DDAH1: variants seen among roughly 807,000 people sequenced by gnomAD.
DDAH1 encodes the protein dimethylarginine dimethylaminohydrolase 1.
In DDAH1, 19 loss-of-function variants were observed where a neutral mutation model predicts 28.8. The observed-to-expected ratio is 0.66, with a 90% CI of 0.46 to 0.97. DDAH1 has a LOEUF of 0.97. Ranked by LOEUF, DDAH1 falls within the 50% of genes least tolerant of loss-of-function variation. The pLI is 0.00. For missense variants in DDAH1, 326 were observed against 375.9 expected, an observed-to-expected ratio of 0.87 and a Z score of 1.10; for synonymous variants, 153 against 154.4, an observed-to-expected ratio of 0.99 and a Z score of 0.07.
chr1:85,546,966 G>T (rs545762609), intron 1 of DDAH1, among the ~76,000 whole-genome samples: 13 of 152,242 alleles, frequency 8.5e-5, no homozygotes, highest in African/African-American at 2.9e-4. Flanking sequence ...GGAGGGAGCT[G>T]CACTATAAAT....
chr1:85,390,642 G>A (rs950807098), intron 1 of DDAH1, among the ~76,000 whole-genome samples: 3 of 152,080 alleles, frequency 2.0e-5, no homozygotes, highest in Admixed American at 6.6e-5. Flanking sequence ...CTTCTTAGAC[G>A]GTAGTCACAG....
rs1208320961 is a variant in DDAH1, at chr1:85,521,731, C to T, written c.-122-25450G>A. On this transcript the variant is annotated intron_variant, in intron 1 of 6. Transcript: ENST00000426972. ...ATGCTCTCTCTGTGAATCCATAATCCGCAGTGCCCACTCCTACCCCATCCG... is the reference window on the plus strand; with the variant it reads ...ATGCTCTCTCTGTGAATCCATAATCTGCAGTGCCCACTCCTACCCCATCCG... The T allele has an allele frequency of 1.8e-5, 15 of 817,400 alleles. No individual in the cohort carries two copies. The South Asian group carries it at 2.8e-4, about 15-fold the overall frequency. The allele number at this position is 817,400 out of a possible 1,614,324, so 50.6% of individuals were successfully genotyped here. A position where few individuals can be genotyped will look rare whatever the true frequency, so the allele number is the denominator to read the frequency against.
intron 2 of DDAH1, among the ~76,000 whole-genome samples, chr1:85,353,661 C>G (rs1570420679): frequency 6.6e-6 from 1 of 151,896 alleles, no homozygotes; most frequent in South Asian, 2.1e-4. Flanking sequence ...TGAAAAAATA[C>G]CAAGTTTCTT....
At chr1:85,391,122 CTT>C (rs1651528899) in intron 1 of DDAH1, among the ~76,000 whole-genome samples, 1 of 151,788 alleles carries the variant, frequency 6.6e-6, no homozygotes, top group Non-Finnish European at 1.5e-5. Context: ...ATTAACCTGA[CTT>C]ATTCTGCTCC....
intron 1 of DDAH1, among the ~76,000 whole-genome samples, chr1:85,419,661 C>CA (rs1312927011): frequency 1.3e-5 from 2 of 151,514 alleles, no homozygotes; most frequent in East Asian, 3.9e-4. Context: ...TATGGACCTG[C>CA]AAATGCATTC....
intron 1 of DDAH1, among the ~76,000 whole-genome samples, chr1:85,573,820 ACT>A (rs759564684): frequency 5.3e-5 from 8 of 152,184 alleles, no homozygotes; most frequent in Non-Finnish European, 1.0e-4. Context: ...AGCAGCCCTG[ACT>A]CTTAAACAAA....
intron 1 of DDAH1, among the ~76,000 whole-genome samples, chr1:85,452,952 C>A (rs936231720): frequency 6.6e-6 from 1 of 152,098 alleles, no homozygotes; most frequent in Admixed American, 6.5e-5. Flanking sequence ...ACAAGCAGAG[C>A]ACTGTTAGAA....
chr1:85,387,331 A>G (rs917344652), intron 1 of DDAH1, among the ~76,000 whole-genome samples: 5 of 152,072 alleles, frequency 3.3e-5, no homozygotes, highest in African/African-American at 1.2e-4. Context: ...CCCATATCTG[A>G]TTATAGGCTG....
At chr1:85,571,261 T>C (rs1438562604) in intron 1 of DDAH1, among the ~76,000 whole-genome samples, 2 of 152,202 alleles carry the variant, frequency 1.3e-5, no homozygotes, top group Non-Finnish European at 2.9e-5. Context: ...ATCAATGCAT[T>C]TTAAGAGGCT....
chr1:85,324,812 T>C lies in DDAH1; in HGVS notation c.669A>G (p.Ile223Met), dbSNP rs775404129. ...GCCCTTTGTTGGGGATATTTAGATA[T>C]ATACAGTTTGCTGCTATGTCATCAG... ...TVPDDIAANC[I>M]YLNIPNKGHV... Residue 223 changes from isoleucine (I) to methionine (M), a missense_variant, in exon 5 of 6, where the codon ATA becomes ATG. By Grantham distance (10) the Ile-to-Met change is conservative. Coordinates refer to ENST00000284031, the MANE Select transcript of DDAH1 (RefSeq NM_012137.4). 4 of 1,614,016 alleles carry C rather than the reference T, an allele frequency of 2.5e-6. No homozygotes were observed. Among genetic ancestry groups the C allele is most frequent in the Non-Finnish European group, 2.5e-6 (3 of 1,180,042 alleles).
At chr1:85,348,190 C>T (rs1295990572) in intron 4 of DDAH1, among the ~76,000 whole-genome samples, 4 of 152,084 alleles carry the variant, frequency 2.6e-5, no homozygotes, top group Admixed American at 2.6e-4. Context: ...TCATAGGATG[C>T]CCTTAACAGA....
intron 2 of DDAH1, among the ~76,000 whole-genome samples, chr1:85,472,874 C>T (rs1655666563): frequency 6.6e-6 from 1 of 152,278 alleles, no homozygotes; most frequent in Non-Finnish European, 1.5e-5. Context: ...CACCTCCCCT[C>T]CTGTCTCTTT....
At chr1:85,344,895 AAAAGACAGTCATCATGTAGAATGGT>A (rs1464065688) in intron 4 of DDAH1, among the ~76,000 whole-genome samples, 18 of 152,196 alleles carry the variant, frequency 1.2e-4, no homozygotes, top group African/African-American at 4.3e-4. Context: ...TAGTCTGTGG[AAAAGACAGTCATCATGTAGAATGGT>A]AAAGCAGGGG....
At chr1:85,561,390 GA>G (rs953720326) in intron 1 of DDAH1, among the ~76,000 whole-genome samples, 1 of 151,908 alleles carries the variant, frequency 6.6e-6, no homozygotes, top group East Asian at 1.9e-4. Context: ...GTTGTAAAAA[GA>G]AAAAACTACT....
At chr1:85,472,662 T>C (rs959651523) in intron 2 of DDAH1, among the ~76,000 whole-genome samples, 1 of 152,144 alleles carries the variant, frequency 6.6e-6, no homozygotes, top group Non-Finnish European at 1.5e-5. Context: ...ACTATATAAA[T>C]ATGTTGAGTT....
At chr1:85,388,171 C>T (rs919737265) in intron 1 of DDAH1, among the ~76,000 whole-genome samples, 2 of 152,194 alleles carry the variant, frequency 1.3e-5, no homozygotes, top group African/African-American at 4.8e-5. Context: ...CTATATCACT[C>T]AACTTCTACA....
intron 1 of DDAH1, 140 bp from the exon 2 acceptor site, chr1:85,358,987 G>A (rs1649639972): frequency 7.2e-6 from 4 of 552,000 alleles, no homozygotes; most frequent in Non-Finnish European, 9.6e-6. Context: ...CCATCCTTGT[G>A]AATATATAAT....
intron 2 of DDAH1, among the ~76,000 whole-genome samples, chr1:85,477,743 G>A (rs990687500): frequency 6.6e-6 from 1 of 151,900 alleles, no homozygotes; most frequent in Non-Finnish European, 1.5e-5. Context: ...GGTAATTTGT[G>A]TTCATACAGG....
At chr1:85,368,236 T>C (rs1650177257) in intron 1 of DDAH1, among the ~76,000 whole-genome samples, 1 of 152,182 alleles carries the variant, frequency 6.6e-6, no homozygotes, top group South Asian at 2.1e-4. Context: ...AATTAATATT[T>C]CAACACTCTT....
Sources: allele counts gnomAD v4.1 joint callset (sites outside exome capture counted in the v4.1 genomes callset), GRCh38; gene constraint gnomAD v4.1.1; transcripts MANE v1.5; gene names NCBI Gene and HGNC (gene_info 2026-07-23, HGNC 2026-07-21).